Variants in EFL1 observed in about 807,000 individuals in gnomAD.
EFL1 encodes the protein elongation factor like GTPase 1.
Under a neutral mutation model 126.7 loss-of-function variants are expected in EFL1, and 76 were observed. That is an observed-to-expected ratio of 0.60 (90% confidence interval 0.50 to 0.73). The LOEUF is 0.73. Ranked by LOEUF, EFL1 falls within the 30% of genes least tolerant of loss-of-function variation. The pLI, the probability that EFL1 is intolerant of heterozygous loss-of-function variation, is 0.00. For missense variants in EFL1, 1,128 were observed against 1,343.2 expected (o/e 0.84, Z 2.50); for synonymous variants, 410 against 448.4 (o/e 0.91, Z 1.08).
At chr15:82,198,029 T>C (rs377159504) in intron 15 of EFL1, among the ~76,000 whole-genome samples, 14 of 152,192 alleles carry the variant, frequency 9.2e-5, no homozygotes, top group Admixed American at 2.0e-4. Context: ...CTACTGAGCA[T>C]TCATATGCCG....
In EFL1 at chr15:82,226,312, G is replaced by A. The variant is rs79411116; in HGVS notation, c.1193-1048C>T. On this transcript the variant is annotated intron_variant, in intron 11 of 19. Transcript: ENST00000268206. The stretch of plus-strand genomic sequence containing the variant: ...GCCTCCCGAGTAGCAGGGACTACAA[G>A]CGTGTACCACCACGCCCAGTTAGTT... Among the ~76,000 whole-genome samples, 8 of 152,322 alleles carry A rather than the reference G, an allele frequency of 5.3e-5. No individual in the cohort carries two copies. In the East Asian group the frequency reaches 1.5e-3, roughly 29 times the overall value.
chr15:82,228,126 T>A, intron 10 of EFL1, 65 bp downstream of exon 10: 1 of 1,532,468 alleles, frequency 6.5e-7, no homozygotes, highest in Non-Finnish European at 8.7e-7. Context: ...TTGGTTACCA[T>A]AACGCATTGT....
At chr15:82,199,859 G>T (rs1472595564) in intron 15 of EFL1, among the ~76,000 whole-genome samples, 3 of 152,100 alleles carry the variant, frequency 2.0e-5, no homozygotes, top group Non-Finnish European at 4.4e-5. Context: ...ATGTATCGCA[G>T]GAGATAAAAT....
intron 7 of EFL1, among the ~76,000 whole-genome samples, chr15:82,236,967 T>C (rs1276754931): frequency 6.6e-6 from 1 of 152,080 alleles, no homozygotes; most frequent in Non-Finnish European, 1.5e-5. Context: ...TGGTGAAACC[T>C]GGTCTCTACT....
At chr15:82,171,462 G>C (rs763048742) in intron 15 of EFL1, among the ~76,000 whole-genome samples, 6 of 152,146 alleles carry the variant, frequency 3.9e-5, no homozygotes, top group Non-Finnish European at 5.9e-5. Context: ...CAGACAGGCA[G>C]GCCTATTCGG....
intron 8 of EFL1, 56 bp from the exon 9 acceptor site, chr15:82,229,166 A>T: frequency 7.6e-7 from 1 of 1,322,224 alleles, no homozygotes; most frequent in South Asian, 1.4e-5. Flanking sequence ...GCATTTATAT[A>T]TTCCTTCTTG....
At chr15:82,220,997 T>TCCTTATGA (rs936767996) in intron 12 of EFL1, among the ~76,000 whole-genome samples, 1 of 151,906 alleles carries the variant, frequency 6.6e-6, no homozygotes, top group African/African-American at 2.4e-5. Flanking sequence ...CACGTAGAGG[T>TCCTTATGA]CCTTATGAAC....
intron 6 of EFL1, among the ~76,000 whole-genome samples, chr15:82,239,305 T>C (rs897287469): frequency 1.1e-4 from 17 of 151,952 alleles, no homozygotes; most frequent in African/African-American, 4.1e-4. Flanking sequence ...CCCGGCTAAT[T>C]TTTTGTATTT....
chr15:82,157,951 T>C (rs1595948839), intron 16 of EFL1, 91 bp from the exon 17 acceptor site: 9 of 1,335,342 alleles, frequency 6.7e-6, no homozygotes, highest in Non-Finnish European at 9.1e-6. Flanking sequence ...GAAAATTACA[T>C]TGAAATAAAC....
In EFL1 at chr15:82,259,094, T is replaced by G. The variant is rs183848866; in HGVS notation, c.153A>C (p.Ala51=). ...SSNGIISSRL[A]GKLRYMDSRE... is the part of the protein sequence containing the mutation. ...TTATAAAATAATAACATACCTTGCC[T>G]GCTAGGCGGCTGGAGATGATTCCAT... The change falls in exon 3 of 20, where the codon GCA becomes GCC. Residue 51 remains alanine, a synonymous_variant. Transcript: ENST00000268206. 3.5e-5 allele frequency: 56 copies of G among 1,613,882 alleles called. No individual in the cohort carries two copies. In the African/African-American group the frequency reaches 6.5e-4, roughly 19 times the overall value.
intron 17 of EFL1, among the ~76,000 whole-genome samples, chr15:82,157,295 CAT>C (rs1349938921): frequency 6.6e-6 from 1 of 152,140 alleles, no homozygotes; most frequent in Non-Finnish European, 1.5e-5. Flanking sequence ...TTTTATAATA[CAT>C]ATCATCTTTA....
At chr15:82,259,302 G>T in intron 2 of EFL1, 147 bp from the exon 3 acceptor site, 1 of 697,956 alleles carries the variant, frequency 1.4e-6, no homozygotes. Flanking sequence ...AGATTTATTA[G>T]ACTTTTGAAC....
intron 15 of EFL1, among the ~76,000 whole-genome samples, chr15:82,195,313 T>C (rs1411881025): frequency 6.6e-6 from 1 of 152,256 alleles, no homozygotes; most frequent in East Asian, 1.9e-4. Flanking sequence ...GTAAGACTAA[T>C]GTTCTGTTAC....
At chr15:82,153,455 G>A (rs903010410) in intron 17 of EFL1, among the ~76,000 whole-genome samples, 6 of 151,922 alleles carry the variant, frequency 3.9e-5, no homozygotes, top group African/African-American at 1.5e-4. Context: ...GCAGGTGTGT[G>A]CATTAAAAAA....
intron 4 of EFL1, among the ~76,000 whole-genome samples, chr15:82,250,737 T>C (rs898235297): frequency 2.0e-5 from 3 of 152,144 alleles, no homozygotes; most frequent in Non-Finnish European, 4.4e-5. Flanking sequence ...ATACGGTCTC[T>C]AGAGCTATCT....
intron 14 of EFL1, among the ~76,000 whole-genome samples, chr15:82,219,224 C>T (rs1237334621): frequency 6.6e-6 from 1 of 152,228 alleles, no homozygotes. Context: ...CCTGTCCAGA[C>T]TCAGGGTCTG....
At chr15:82,229,991 G>A (rs573845604) in intron 8 of EFL1, among the ~76,000 whole-genome samples, 2 of 152,224 alleles carry the variant, frequency 1.3e-5, no homozygotes, top group Admixed American at 6.5e-5. Context: ...CAAACACAGA[G>A]TCAACTCTCA....
chr15:82,232,665 CTT>C (rs2074834228), intron 7 of EFL1, among the ~76,000 whole-genome samples: 1 of 152,192 alleles, frequency 6.6e-6, no homozygotes, highest in African/African-American at 2.4e-5. Flanking sequence ...CCAAACCTCT[CTT>C]TTCATTCACA....
intron 17 of EFL1, among the ~76,000 whole-genome samples, chr15:82,153,780 A>T (rs942057757): frequency 4.6e-5 from 7 of 152,240 alleles, no homozygotes; most frequent in Non-Finnish European, 1.0e-4. Flanking sequence ...ATACCACATT[A>T]AAAATATCAA....
Sources: allele counts gnomAD v4.1 joint callset (sites outside exome capture counted in the v4.1 genomes callset), GRCh38; gene constraint gnomAD v4.1.1; transcripts MANE v1.5; gene names NCBI Gene and HGNC (gene_info 2026-07-23, HGNC 2026-07-21).